The following DENND1A variants were observed in gnomAD, a reference collection of about 807,000 sequenced individuals.
DENND1A encodes DENN domain-containing protein 1A.
DENND1A carries 51 observed loss-of-function variants against 113.7 expected under a neutral mutation model. The ratio of observed to expected loss-of-function variants is 0.45; its 90% CI spans 0.36 to 0.57. The LOEUF is 0.57. Ranked by LOEUF, DENND1A falls within the 20% of genes least tolerant of loss-of-function variation. The probability of loss-of-function intolerance (pLI) is 0.00; values close to 1 mark genes in which losing one functional copy is unlikely to be tolerated. For missense variants in DENND1A, 1,258 were observed against 1,395.9 expected, an observed-to-expected ratio of 0.90 and a Z score of 1.57; for synonymous variants, 565 against 570.8, an observed-to-expected ratio of 0.99 and a Z score of 0.14.
At chr9:123,800,350 G>T (rs1176956738) in intron 2 of DENND1A, among the ~76,000 whole-genome samples, 1 of 152,134 alleles carries the variant, frequency 6.6e-6, no homozygotes, top group Admixed American at 6.5e-5. Context: ...CTACCTCTTA[G>T]GTATACCATT....
intron 5 of DENND1A, among the ~76,000 whole-genome samples, chr9:123,753,439 G>A (rs1311785329): frequency 6.6e-6 from 1 of 152,186 alleles, no homozygotes; most frequent in Admixed American, 6.5e-5. Flanking sequence ...ACCCTTCATG[G>A]ACAAAATGTC....
intron 21 of DENND1A, among the ~76,000 whole-genome samples, chr9:123,397,885 G>A (rs1295171201): frequency 6.6e-6 from 1 of 152,230 alleles, no homozygotes; most frequent in Non-Finnish European, 1.5e-5. Flanking sequence ...TGGTGGCTGA[G>A]TTTGGACCCT....
Position 123,628,157 on chromosome 9 carries a change from T to C in DENND1A, c.719+2219A>G, listed in dbSNP as rs76738900. On this transcript the variant is annotated intron_variant, in intron 10 of 23. Coordinates refer to ENST00000394215, the MANE Select transcript of DENND1A (RefSeq NM_001352964.2). Reference sequence around the variant, plus strand: ...CTGAGGGAGTAAATTAATCTCACTATAGATGGCAAAACAGTGCAAATGTGA... The same window carrying C: ...CTGAGGGAGTAAATTAATCTCACTACAGATGGCAAAACAGTGCAAATGTGA... Among the ~76,000 whole-genome samples, 1,459 of 151,956 alleles carry C rather than the reference T, an allele frequency of 9.6e-3. 23 individuals carry two copies. The highest frequency in any genetic ancestry group is 0.033 in the African/African-American group (1,354 of 41,440).
At chr9:123,666,873 T>C (rs1589586419) in intron 8 of DENND1A, among the ~76,000 whole-genome samples, 153 bp downstream of exon 8, 1 of 152,212 alleles carries the variant, frequency 6.6e-6, no homozygotes, top group East Asian at 1.9e-4. Flanking sequence ...ATAATACACT[T>C]CAGTTCTTAT....
At position 123,895,375 on chromosome 9, in the gene DENND1A, C is replaced by G. The variant is rs1850572803; in HGVS notation, c.18-16354G>C. ...GTGGTTCACACCTGTAATCCCAGCA[C>G]TATGAGAGGCCAAGGCGGGTGGATC... On this transcript the variant is annotated intron_variant, in intron 1 of 23. Coordinates refer to ENST00000394215, the MANE Select transcript of DENND1A (RefSeq NM_001352964.2). Among the ~76,000 whole-genome samples, 6 of 152,106 alleles carry G rather than the reference C, an allele frequency of 3.9e-5. No homozygotes were observed. The South Asian group carries it at 1.2e-3, about 31-fold the overall frequency.
At chr9:123,786,633 T>C (rs1385053584) in intron 3 of DENND1A, among the ~76,000 whole-genome samples, 2 of 152,196 alleles carry the variant, frequency 1.3e-5, no homozygotes, top group African/African-American at 4.8e-5. Context: ...CTAGACTGTT[T>C]CTGCTGCCAA....
At chr9:123,881,018 G>A (rs2133591418) in intron 1 of DENND1A, among the ~76,000 whole-genome samples, 1 of 152,178 alleles carries the variant, frequency 6.6e-6, no homozygotes, top group South Asian at 2.1e-4. Flanking sequence ...CTTATTTCGG[G>A]GGTGTAAAAT....
chr9:123,603,499 G>T lies in DENND1A; in HGVS notation c.765+5937C>A, dbSNP rs567338833. Among the ~76,000 whole-genome samples, 13 of 152,242 alleles carry T rather than the reference G, an allele frequency of 8.5e-5. No individual in the cohort carries two copies. In the South Asian group the frequency reaches 2.3e-3, roughly 27 times the overall value. On this transcript the variant is annotated intron_variant, in intron 11 of 23. Transcript: ENST00000394215. ...AGCACTTGTATGTTTGAAAAACCAG[G>T]CTTCTAGGGACCCATGGCTAAGCAT...
Position 123,387,743 on chromosome 9 carries a change from C to T in DENND1A, c.1747G>A (p.Ala583Thr), listed in dbSNP as rs1348828189. ...SGFTESFFFS[A>T]PFEWPQPYRT... Reference sequence around the variant, plus strand: ...GGAAGGAGAGACCATTCAAAGGGAGCGGAGAAGAAAAAGCTCTCGGTGAAG... The same window carrying T: ...GGAAGGAGAGACCATTCAAAGGGAGTGGAGAAGAAAAAGCTCTCGGTGAAG... The change falls in exon 22 of 24, where the codon GCT (alanine) becomes ACT (threonine). Residue 583 changes from alanine (A) to threonine (T), a missense_variant. Physicochemically the swap from Ala to Thr is moderately conservative, Grantham distance 58. This residue lies in a region of DENND1A where 1,159 missense variants were observed against 1,231.7 expected (regional missense o/e 0.94). Coordinates refer to ENST00000394215, the MANE Select transcript of DENND1A (RefSeq NM_001352964.2). 17 of 1,289,714 alleles carry T rather than the reference C, an allele frequency of 1.3e-5. No individual in the cohort carries two copies. The highest frequency in any genetic ancestry group is 9.2e-5 in the Admixed American group (4 of 43,558). 79.9% of individuals were successfully genotyped at this position (1,289,714 alleles called of 1,614,324 possible).
At chr9:123,494,447 T>G (rs2051678754) in intron 13 of DENND1A, among the ~76,000 whole-genome samples, 1 of 152,128 alleles carries the variant, frequency 6.6e-6, no homozygotes, top group Admixed American at 6.6e-5. Flanking sequence ...CAAATGACTT[T>G]TAAGGGATAG....
Position 123,382,233 on chromosome 9 carries a change from G to A in DENND1A, c.2412C>T (p.Asp804=), listed in dbSNP as rs372910599. ...GCCCTGGACTCAGGGCAGCTCGCCT[G>A]TCCCGATCCGTCTGCAGCCGCTCTG... ...DVSERLQTDR[D]RRAALSPGLL... is the part of the protein sequence containing the mutation. Residue 804 remains aspartate, a synonymous_variant, in exon 24 of 24, where the codon GAC becomes GAT. Transcript: ENST00000394215. 1.1e-4 allele frequency: 183 copies of A among 1,609,234 alleles called. No individual in the cohort carries two copies. The highest frequency in any genetic ancestry group is 1.5e-4 in the Non-Finnish European group (178 of 1,179,502).
chr9:123,837,309 G>C (rs753674066), intron 2 of DENND1A, among the ~76,000 whole-genome samples: 1 of 152,038 alleles, frequency 6.6e-6, no homozygotes, highest in African/African-American at 2.4e-5. Context: ...TTCACAATTA[G>C]CACCCCCTTG....
intron 5 of DENND1A, among the ~76,000 whole-genome samples, chr9:123,745,707 G>A (rs1406317706): frequency 6.6e-6 from 1 of 152,172 alleles, no homozygotes; most frequent in East Asian, 1.9e-4. Context: ...AAAGTCACAC[G>A]CTAGAAACAG....
intron 18 of DENND1A, among the ~76,000 whole-genome samples, chr9:123,442,600 T>G (rs957950352): frequency 2.8e-4 from 42 of 151,738 alleles, no homozygotes; most frequent in African/African-American, 8.0e-4. Context: ...TGTGTTTGGC[T>G]GAAAAAAAAA....
intron 5 of DENND1A, among the ~76,000 whole-genome samples, chr9:123,690,088 G>A (rs1589679660): frequency 1.0e-5 from 1 of 95,730 alleles, no homozygotes; most frequent in Non-Finnish European, 2.3e-5. Context: ...AAGGAAAGGA[G>A]GGAGGGAGGG....
chr9:123,629,332 T>A (rs1237527223), intron 10 of DENND1A, among the ~76,000 whole-genome samples: 1 of 152,208 alleles, frequency 6.6e-6, no homozygotes, highest in Admixed American at 6.5e-5. Context: ...CTTACGGACT[T>A]CTGTTGACTT....
At chr9:123,552,018 C>CGAGAGAGAGAGA (rs10657747) in intron 13 of DENND1A, among the ~76,000 whole-genome samples, 13 of 118,568 alleles carry the variant, frequency 1.1e-4, no homozygotes, top group Admixed American at 4.1e-4. Flanking sequence ...AGAGCGAGAG[C>CGAGAGAGAGAGA]GAGAGAGAGA....
intron 11 of DENND1A, 81 bp from the exon 12 acceptor site, chr9:123,583,351 G>T: frequency 9.8e-7 from 1 of 1,020,308 alleles, no homozygotes; most frequent in Non-Finnish European, 1.5e-6. Context: ...CTGGGGAAGA[G>T]GCATAGAGAA....
At chr9:123,757,875 T>G in intron 4 of DENND1A, 53 bp from the exon 5 acceptor site, 1 of 1,595,910 alleles carries the variant, frequency 6.3e-7, no homozygotes, top group African/African-American at 1.3e-5. Context: ...AGTTTCTTGA[T>G]AAAGTATCTA....
Sources: allele counts gnomAD v4.1 joint callset (sites outside exome capture counted in the v4.1 genomes callset), GRCh38; gene constraint gnomAD v4.1.1; regional missense constraint gnomAD v4.1.1; transcripts MANE v1.5; gene names NCBI Gene and HGNC (gene_info 2026-07-23, HGNC 2026-07-21).